PDE3A: variants seen among roughly 807,000 people sequenced by gnomAD.
PDE3A encodes cGMP-inhibited 3',5'-cyclic phosphodiesterase 3A.
Under a neutral mutation model 98.3 loss-of-function variants are expected in PDE3A, and 43 were observed. The observed-to-expected ratio is 0.44, with a 90% CI of 0.34 to 0.56. The LOEUF (loss-of-function observed/expected upper bound fraction) is 0.56. PDE3A is among the 20% of genes least tolerant of loss of function. PDE3A has a pLI of 0.01. For synonymous variants in PDE3A, 663 were observed against 567.9 expected (o/e 1.17, Z -2.38); for missense variants, 1,427 against 1,440.7 (o/e 0.99, Z 0.15).
chr12:20,604,596 G>A lies in PDE3A; in HGVS notation c.1012-8847G>A, dbSNP rs182364115. Among the ~76,000 whole-genome samples the A allele has an allele frequency of 3.1e-3, 465 of 151,976 alleles. 2 individuals are homozygous for A. The highest frequency in any genetic ancestry group is 4.8e-3 in the Non-Finnish European group (327 of 67,976). On this transcript the variant is annotated intron_variant, in intron 2 of 15. Transcript: ENST00000359062. ...CAATTACATTATGTCTCATTTTAAG[G>A]GAAAGAAAATATTGAGTTTAAAATA... is the stretch of plus-strand genomic sequence containing the variant.
chr12:20,370,136 G>T lies in PDE3A; in HGVS notation c.852G>T (p.Pro284=), dbSNP rs758894407. Residue 284 remains proline (P), a synonymous_variant, in exon 1 of 16, where the codon CCG becomes CCT. Coordinates refer to ENST00000359062, the MANE Select transcript of PDE3A (RefSeq NM_000921.5). ...TTGCTGGGACCAAGGAAGATATCCC[G>T]GTGTTTAAGAGGAGGAGGCGGTCCA... ...QLIAGTKEDI[P]VFKRRRRSSS... The T allele has an allele frequency of 1.7e-5, 28 of 1,613,432 alleles. No homozygotes were observed. In the Admixed American group the frequency reaches 4.3e-4, roughly 25 times the overall value.
At chr12:20,673,772 G>T (rs1005046248) in intron 15 of PDE3A, among the ~76,000 whole-genome samples, 42 of 149,550 alleles carry the variant, frequency 2.8e-4, no homozygotes, top group African/African-American at 9.8e-4. Context: ...TGGGTGCAGT[G>T]CACCAGCATG....
chr12:20,459,372 T>TTA (rs1433203217), intron 1 of PDE3A, among the ~76,000 whole-genome samples: 1 of 152,124 alleles, frequency 6.6e-6, no homozygotes, highest in African/African-American at 2.4e-5. Flanking sequence ...CTATACCTTG[T>TTA]TACAAACAGA....
intron 1 of PDE3A, among the ~76,000 whole-genome samples, chr12:20,391,585 CTT>C (rs144859410): frequency 1.4e-5 from 2 of 147,778 alleles, no homozygotes; most frequent in Admixed American, 6.8e-5. Context: ...TTTTGGAGGA[CTT>C]TTTTTTTTCC....
chr12:20,462,130 T>C (rs537652946), intron 1 of PDE3A, among the ~76,000 whole-genome samples: 39 of 152,264 alleles, frequency 2.6e-4, no homozygotes, highest in Admixed American at 3.3e-4. Context: ...AAAAGTGTTC[T>C]TCTCATTGAC....
chr12:20,454,884 T>C (rs1945128999), intron 1 of PDE3A, among the ~76,000 whole-genome samples: 1 of 152,212 alleles, frequency 6.6e-6, no homozygotes, highest in African/African-American at 2.4e-5. Context: ...GATGGGCATT[T>C]AGGTTGATTC....
chr12:20,575,935 A>G (rs530867417), intron 2 of PDE3A, among the ~76,000 whole-genome samples: 1 of 152,080 alleles, frequency 6.6e-6, no homozygotes, highest in African/African-American at 2.4e-5. Context: ...CAATATTTGT[A>G]TATGTACACA....
intron 1 of PDE3A, among the ~76,000 whole-genome samples, chr12:20,419,371 C>T (rs1944474292): frequency 1.3e-5 from 2 of 151,938 alleles, no homozygotes; most frequent in South Asian, 4.1e-4. Flanking sequence ...TAGCTCCCTG[C>T]AGGCTTGAAC....
chr12:20,430,689 G>A (rs1419427213), intron 1 of PDE3A, among the ~76,000 whole-genome samples: 2 of 152,146 alleles, frequency 1.3e-5, no homozygotes, highest in Non-Finnish European at 2.9e-5. Context: ...CTAAAATACT[G>A]TATTTTGCCA....
In PDE3A at chr12:20,421,252, G is replaced by A. The variant is rs75466397; in HGVS notation, c.960+51008G>A. On this transcript the variant is annotated intron_variant, in intron 1 of 15. Transcript: ENST00000359062. ...ATCTTTCTAATTTTTTTCAAAAGTG[G>A]ATTTTTCTGCCATTTATATTTGCCA... is the stretch of plus-strand genomic sequence containing the variant. 3.2e-3 allele frequency among the ~76,000 whole-genome samples: 494 copies of A among 152,018 alleles called. 2 individuals are homozygous for A. Among genetic ancestry groups the A allele is most frequent in the African/African-American group, 0.012 (485 of 41,474 alleles).
chr12:20,668,084 G>A (rs781378493), intron 15 of PDE3A, among the ~76,000 whole-genome samples: 1 of 152,182 alleles, frequency 6.6e-6, no homozygotes, highest in African/African-American at 2.4e-5. Context: ...AGAAAGGGGT[G>A]ACAGATGGCA....
rs192676738 is a variant in PDE3A, at chr12:20,431,141, A to G, written c.960+60897A>G. The stretch of plus-strand genomic sequence containing the variant: ...ACCCCAATATCAAGTTTACATATTT[A>G]TGTGTTTGCCATTCTATAATTACGT... On this transcript the variant is annotated intron_variant, in intron 1 of 15. Coordinates refer to ENST00000359062, the MANE Select transcript of PDE3A (RefSeq NM_000921.5). 1.5e-4 allele frequency among the ~76,000 whole-genome samples: 23 copies of G among 152,212 alleles called. 1 individual carries two copies. The highest frequency in any genetic ancestry group is 1.3e-3 in the Admixed American group (20 of 15,276).
At chr12:20,453,184 T>TTTC (rs1945097101) in intron 1 of PDE3A, among the ~76,000 whole-genome samples, 1 of 150,716 alleles carries the variant, frequency 6.6e-6, no homozygotes, top group Admixed American at 6.6e-5. Context: ...TTTTTTTTTT[T>TTTC]TTTTTTTGAG....
At chr12:20,532,870 A>G (rs1941645344) in intron 1 of PDE3A, among the ~76,000 whole-genome samples, 2 of 151,908 alleles carry the variant, frequency 1.3e-5, no homozygotes, top group Admixed American at 1.3e-4. Context: ...TTGTATTTTT[A>G]GTAGAGACGG....
intron 10 of PDE3A, among the ~76,000 whole-genome samples, chr12:20,644,891 C>T (rs1173000061): frequency 4.7e-5 from 5 of 106,528 alleles, no homozygotes; most frequent in African/African-American, 1.8e-4. Flanking sequence ...CTTCTTCCTT[C>T]TTTTTTTTTT....
At chr12:20,376,434 A>G (rs74065065) in intron 1 of PDE3A, among the ~76,000 whole-genome samples, 2,729 of 151,976 alleles carry the variant, frequency 0.018, 47 homozygotes, top group Middle Eastern at 0.061. Context: ...CTCATTCAGC[A>G]TTAGAAGACT....
At chr12:20,564,374 G>A (rs574756421) in intron 2 of PDE3A, among the ~76,000 whole-genome samples, 1 of 152,160 alleles carries the variant, frequency 6.6e-6, no homozygotes, top group African/African-American at 2.4e-5. Flanking sequence ...ACTTTATGTA[G>A]GAAAATGAGA....
At chr12:20,476,270 G>A (rs188329091) in intron 1 of PDE3A, among the ~76,000 whole-genome samples, 314 of 152,194 alleles carry the variant, frequency 2.1e-3, no homozygotes, top group Admixed American at 5.2e-3. Flanking sequence ...CTTAGACTGG[G>A]AAAAATCAAT....
At chr12:20,582,044 T>C (rs1943081097) in intron 2 of PDE3A, among the ~76,000 whole-genome samples, 2 of 152,208 alleles carry the variant, frequency 1.3e-5, no homozygotes, top group Non-Finnish European at 2.9e-5. Context: ...GGGATTTTTT[T>C]TTAATTTTCC....
Sources: gnomAD v4.1 joint callset for allele counts (sites outside exome capture counted in the v4.1 genomes callset) on GRCh38, gnomAD v4.1.1 for gene constraint, MANE v1.5 for transcripts, NCBI Gene and HGNC (gene_info 2026-07-23, HGNC 2026-07-21) for gene names.